FMNL1: variants seen among roughly 807,000 people sequenced by gnomAD.
FMNL1 encodes the protein formin-like protein 1.
In FMNL1, 43 loss-of-function variants were observed where a neutral mutation model predicts 121.3. The ratio of observed to expected loss-of-function variants is 0.35; its 90% CI spans 0.28 to 0.46. The LOEUF is 0.46. FMNL1 is among the 20% of genes least tolerant of loss of function. FMNL1 has a pLI of 1.00. For missense variants in FMNL1, 1,191 were observed against 1,482.4 expected (o/e 0.80, Z 3.23); for synonymous variants, 613 against 613.5 (o/e 1.00, Z 0.01).
Position 45,240,553 on chromosome 17 carries a change from G to A in FMNL1, c.1158G>A (p.Ala386=), listed in dbSNP as rs749865243. 19 of 1,613,900 alleles carry A rather than the reference G, an allele frequency of 1.2e-5. No individual in the cohort carries two copies. The highest frequency in any genetic ancestry group is 8.0e-5 in the African/African-American group (6 of 74,978). The part of the protein sequence containing the change: ...AYLDNIFDVG[A]LLEDTETKNA... ...TGGACAATATTTTTGATGTGGGGGC[G>A]CTGCTGGAGGACACAGAGACCAAGA... Residue 386 remains alanine (A), a synonymous_variant, in exon 12 of 27, where the codon GCG becomes GCA. Coordinates refer to ENST00000331495, the MANE Select transcript of FMNL1 (RefSeq NM_005892.4).
chr17:45,240,411 G>A, intron 11 of FMNL1, 65 bp from the exon 12 acceptor site: 1 of 1,489,202 alleles, frequency 6.7e-7, no homozygotes, highest in African/African-American at 1.4e-5. Flanking sequence ...CAGGGGGGTG[G>A]TTTGGAAAGA....
In FMNL1 at chr17:45,241,424, C is replaced by G. The variant is rs1275249356; in HGVS notation, c.1375C>G (p.Pro459Ala). The part of the protein sequence containing the change: ...ESTAMGPSRR[P>A]PEPEKAPPAA... ...GACCGCCATGGGGCCCTCCAGGCGTCCCCCAGAGCCTGAGAAAGCGCCTCC... is the reference window on the plus strand; with the variant it reads ...GACCGCCATGGGGCCCTCCAGGCGTGCCCCAGAGCCTGAGAAAGCGCCTCC... The change falls in exon 14 of 27, where the codon CCC becomes GCC. Residue 459 changes from proline to alanine, a missense_variant. Physicochemically the swap from Pro to Ala is conservative, Grantham distance 27. This residue lies in a region of FMNL1 where 519 missense variants were observed against 492.8 expected (regional missense o/e 1.05). Coordinates refer to ENST00000331495, the MANE Select transcript of FMNL1 (RefSeq NM_005892.4). This position sits in a 1 kb window ranked among gnomAD's most constrained non-coding sequence, Gnocchi z 7.0. The G allele has an allele frequency of 4.5e-6, 7 of 1,561,570 alleles. No homozygotes were observed. The highest frequency in any genetic ancestry group is 6.1e-6 in the Non-Finnish European group (7 of 1,153,526).
At position 45,240,298 on chromosome 17, in the gene FMNL1, T is replaced by C. The variant is rs9909753; in HGVS notation, c.1081-178T>C. The C allele has an allele frequency of 2.3e-3, 1,286 of 568,530 alleles. 11 individuals are homozygous for C. The highest frequency in any genetic ancestry group is 0.022 in the African/African-American group (1,192 of 53,144). 35.2% of individuals were successfully genotyped at this position (568,530 alleles called of 1,614,324 possible). ...TGTGGCTATACTAAGAATGACTGAA[T>C]TGTACACTTTAAAATGGATTTTATG... On this transcript the variant is annotated intron_variant, in intron 11 of 26. Transcript: ENST00000331495.
rs915477068 is a variant in FMNL1, at chr17:45,231,732, C to T, written c.214-635C>T. The stretch of plus-strand genomic sequence containing the variant: ...CATCACTGAGCACAGGAGAGGAGCA[C>T]GCAGGTTCCTGCCAACGCAGATGTG... On this transcript the variant is annotated intron_variant, in intron 2 of 26. Coordinates refer to ENST00000331495, the MANE Select transcript of FMNL1 (RefSeq NM_005892.4). The surrounding 1 kb of genome is among the most constrained non-coding windows in gnomAD (Gnocchi z 4.7). Among the ~76,000 whole-genome samples, 4 of 152,056 alleles carry T rather than the reference C, an allele frequency of 2.6e-5. No homozygotes were observed. The highest frequency in any genetic ancestry group is 9.7e-5 in the African/African-American group (4 of 41,376).
rs771793020 is a variant in FMNL1 at position 45,234,179 on chromosome 17, A to G, written c.593A>G (p.Lys198Arg). 7.4e-6 allele frequency: 12 copies of G among 1,613,988 alleles called. No individual in the cohort carries two copies. The highest frequency in any genetic ancestry group is 4.0e-5 in the African/African-American group (3 of 74,906). ...LSKGPPSSVP[K>R]SRHLTIKLTP... ...AAGGGTCCACCCTCCTCCGTGCCCA[A>G]AAGCCGCCACCTGACCATCAAGTAT... Residue 198 changes from lysine (K) to arginine (R), a missense_variant, in exon 6 of 27, where the codon AAA becomes AGA. By Grantham distance (26) the Lys-to-Arg change is conservative (BLOSUM62 2). Transcript: ENST00000331495.
At chr17:45,245,773 CT>C in intron 23 of FMNL1, 40 bp downstream of exon 23, 1 of 1,606,194 alleles carries the variant, frequency 6.2e-7, no homozygotes, top group South Asian at 1.1e-5. Flanking sequence ...CTGTAGGGCA[CT>C]GAAGCCTTTC....
rs772962912 is a variant in FMNL1, at chr17:45,237,511, G to A, written c.801-35G>A. 2 of 1,613,636 alleles carry A rather than the reference G, an allele frequency of 1.2e-6. No homozygotes were observed. Among genetic ancestry groups the A allele is most frequent in the Non-Finnish European group, 1.7e-6 (2 of 1,179,578 alleles). On this transcript the variant is annotated intron_variant, in intron 8 of 26. Transcript: ENST00000331495. This position sits in a 1 kb window ranked among gnomAD's most constrained non-coding sequence, Gnocchi z 4.4. ...CCCACCCTTGCCGCGGGTCCTGCCT[G>A]TTCTCAAGGGACAACCTGCCCCTTC... is the stretch of plus-strand genomic sequence containing the variant.
chr17:45,222,433 C>T, intron 1 of FMNL1, among the ~76,000 whole-genome samples, 180 bp downstream of exon 1: 1 of 152,088 alleles, frequency 6.6e-6, no homozygotes, highest in Non-Finnish European at 1.5e-5. Flanking sequence ...ACTTAGCACT[C>T]TCCCCCCAAA....
Position 45,241,264 on chromosome 17 carries a change from A to G in FMNL1, c.1332+34A>G. 1 of 1,613,636 alleles carries G rather than the reference A, an allele frequency of 6.2e-7. No homozygotes were observed. The highest frequency in any genetic ancestry group is 8.5e-7 in the Non-Finnish European group (1 of 1,179,856). ...GGGGCGGGTGGTAGGCCAGGCGCCC[A>G]AGAACAGGCCAGCTGAGGCTTCTAG... is the stretch of plus-strand genomic sequence containing the variant. On this transcript the variant is annotated intron_variant, in intron 13 of 26. Transcript: ENST00000331495. This position sits in a 1 kb window ranked among gnomAD's most constrained non-coding sequence, Gnocchi z 7.0.
At chr17:45,227,347 G>C (rs919227449) in intron 1 of FMNL1, among the ~76,000 whole-genome samples, 1 of 152,108 alleles carries the variant, frequency 6.6e-6, no homozygotes, top group African/African-American at 2.4e-5. Flanking sequence ...TGGGGGAGGT[G>C]GGGGAAGGGC....
Position 45,233,580 on chromosome 17 carries a change from C to A in FMNL1, c.402-68C>A. 6.3e-7 allele frequency: 1 copy of A among 1,582,532 alleles called. No individual in the cohort carries two copies. Among genetic ancestry groups the A allele is most frequent in the Non-Finnish European group, 8.7e-7 (1 of 1,153,850 alleles). ...GGGCACCCCAGGGGTCCTTGCTGTC[C>A]CTGTTCTGTGCCCATGTGGGGCAGG... On this transcript the variant is annotated intron_variant, in intron 4 of 26. Coordinates refer to ENST00000331495, the MANE Select transcript of FMNL1 (RefSeq NM_005892.4). The surrounding 1 kb of genome is among the most constrained non-coding windows in gnomAD (Gnocchi z 4.1).
Position 45,241,908 on chromosome 17 carries a change from C to A in FMNL1, c.1647C>A (p.Pro549=). The change falls in exon 15 of 27, where the codon CCC becomes CCA. Residue 549 remains proline, a synonymous_variant. Transcript: ENST00000331495. The surrounding 1 kb of genome is among the most constrained non-coding windows in gnomAD (Gnocchi z 7.0). ...GAAPPPPPPL[P]GLPSPQEAPP... The stretch of plus-strand genomic sequence containing the variant: ...CGCCACCGCCGCCGCCCCCACTGCC[C>A]GGCCTCCCCTCCCCGCAGGAAGCCC... The A allele has an allele frequency of 1.4e-6, 2 of 1,406,944 alleles. No homozygotes were observed. Among genetic ancestry groups the A allele is most frequent in the African/African-American group, 1.5e-5 (1 of 65,346 alleles). 87.2% of individuals were successfully genotyped at this position (1,406,944 alleles called of 1,614,324 possible).
chr17:45,245,353 G>C lies in FMNL1; in HGVS notation c.2829G>C (p.Lys943Asn). 1 of 1,614,194 alleles carries C rather than the reference G, an allele frequency of 6.2e-7. No individual in the cohort carries two copies. The highest frequency in any genetic ancestry group is 8.5e-7 in the Non-Finnish European group (1 of 1,180,026). The change falls in exon 22 of 27, where the codon AAG (lysine) becomes AAC (asparagine). Residue 943 changes from lysine (K) to asparagine (N), a missense_variant. Lys to Asn is a moderately conservative substitution (Grantham distance 94). Coordinates refer to ENST00000331495, the MANE Select transcript of FMNL1 (RefSeq NM_005892.4). ...FVRQDDCMVL[K>N]EFLRANSPTM... The stretch of plus-strand genomic sequence containing the variant: ...GGCAGGATGACTGCATGGTGCTCAA[G>C]GAGTTCCTGAGGGCCAACTCGCCCA...
intron 1 of FMNL1, among the ~76,000 whole-genome samples, chr17:45,228,204 T>G (rs552714860): frequency 4.6e-5 from 7 of 152,298 alleles, no homozygotes; most frequent in African/African-American, 1.7e-4. Context: ...CAGCCACAGC[T>G]GAGGAGCAGC....
rs1464881495 is a variant in FMNL1, at chr17:45,234,163, CCCT to C, written c.583_585del (p.Ser195del). 5.0e-6 allele frequency: 8 copies of C among 1,614,004 alleles called. No homozygotes were observed. The highest frequency in any genetic ancestry group is 6.8e-6 in the Non-Finnish European group (8 of 1,180,038). On this transcript the variant is annotated inframe_deletion, in exon 6 of 27. Coordinates refer to ENST00000331495, the MANE Select transcript of FMNL1 (RefSeq NM_005892.4). ...TGTGGAAGACCTCAGCAAGGGTCCA[CCCT>C]CCTCCGTGCCCAAAAGCCGCCACCT...
rs760460060 is a variant in FMNL1, at chr17:45,230,709, C to T, written c.213+22C>T. The stretch of plus-strand genomic sequence containing the variant: ...TCAGGTAGGTGCCAGCACTGCCCAG[C>T]CACCCCTTCCCTCCCACTGTCAGTA... On this transcript the variant is annotated intron_variant, in intron 2 of 26. Coordinates refer to ENST00000331495, the MANE Select transcript of FMNL1 (RefSeq NM_005892.4). The T allele has an allele frequency of 1.2e-5, 19 of 1,610,922 alleles. No homozygotes were observed. The Admixed American group carries it at 2.0e-4, about 17-fold the overall frequency.
intron 16 of FMNL1, 97 bp from the exon 17 acceptor site, chr17:45,243,020 TG>T: frequency 7.6e-7 from 1 of 1,322,176 alleles, no homozygotes; most frequent in Non-Finnish European, 1.1e-6. Flanking sequence ...GCTGGTGGCC[TG>T]GTCAGGGCCA....
Position 45,232,462 on chromosome 17 carries a change from T to C in FMNL1, c.309T>C (p.Asp103=). The C allele has an allele frequency of 6.2e-7, 1 of 1,614,100 alleles. No homozygotes were observed. The highest frequency in any genetic ancestry group is 8.5e-7 in the Non-Finnish European group (1 of 1,179,966). ...TGGVSRKVAA[D]WMSNLGFKRR... Reference sequence around the variant, plus strand: ...GGGTCAGCCGAAAGGTAGCAGCTGATTGGATGTCCAACCTGGGGGTACATG... The same window carrying C: ...GGGTCAGCCGAAAGGTAGCAGCTGACTGGATGTCCAACCTGGGGGTACATG... The change falls in exon 3 of 27, where the codon GAT becomes GAC. Residue 103 remains aspartate, a synonymous_variant. Coordinates refer to ENST00000331495, the MANE Select transcript of FMNL1 (RefSeq NM_005892.4).
rs1306855695 is a variant in FMNL1, at chr17:45,245,401, C to T, written c.2877C>T (p.Asp959=). The change falls in exon 22 of 27, where the codon GAC becomes GAT. Residue 959 remains aspartate (D), a synonymous_variant. Transcript: ENST00000331495. ...NSPTMDKLLA[D]SKTAQEAFES... ...CCACCATGGACAAGCTGCTGGCAGACAGCAAGACGGCTCAGGTGCGCCAGG... is the reference window on the plus strand; with the variant it reads ...CCACCATGGACAAGCTGCTGGCAGATAGCAAGACGGCTCAGGTGCGCCAGG... The T allele has an allele frequency of 6.2e-7, 1 of 1,614,182 alleles. No homozygotes were observed. The highest frequency in any genetic ancestry group is 2.2e-5 in the East Asian group (1 of 44,882).
Sources: allele counts gnomAD v4.1 joint callset (sites outside exome capture counted in the v4.1 genomes callset), GRCh38; gene constraint gnomAD v4.1.1; regional missense constraint gnomAD v4.1.1; non-coding constraint Gnocchi (gnomAD v3.1); transcripts MANE v1.5; gene names NCBI Gene and HGNC (gene_info 2026-07-23, HGNC 2026-07-21).